The following EYS variants were observed in gnomAD, a reference collection of about 807,000 sequenced individuals.
EYS encodes the protein protein eyes shut homolog.
Under a neutral mutation model 282.1 loss-of-function variants are expected in EYS, and 250 were observed. That is an observed-to-expected ratio of 0.89 (90% CI 0.80 to 0.98). The LOEUF is 0.98. Ranked by LOEUF, EYS falls within the 50% of genes least tolerant of loss-of-function variation. EYS has a pLI of 0.00. For synonymous variants in EYS, 1,355 were observed against 1,282.9 expected (o/e 1.06, Z -1.20); for missense variants, 4,016 against 3,709.0 (o/e 1.08, Z -2.15).
chr6:63,727,737 A>AAAAAATATATATATATAT (rs1554164607), intron 41 of EYS, among the ~76,000 whole-genome samples: 7 of 36,722 alleles, frequency 1.9e-4, no homozygotes, highest in Admixed American at 3.9e-4. Flanking sequence ...AAAAAAAAAA[A>AAAAAATATATATATATAT]ATATATATAT....
In EYS at chr6:64,307,092, A is replaced by G; in HGVS notation, c.6079-10T>C. ...TGACTGGTACAGGCATCTGAGAGAG[A>G]GAGAGAGAGAGAGAAGTAGAGATAA... is the stretch of plus-strand genomic sequence containing the variant. On this transcript the variant is annotated splice_polypyrimidine_tract_variant and intron_variant, in intron 29 of 42. Coordinates refer to ENST00000503581, the MANE Select transcript of EYS (RefSeq NM_001142800.2). 8.9e-7 allele frequency: 1 copy of G among 1,117,814 alleles called. No homozygotes were observed. The highest frequency in any genetic ancestry group is 1.3e-6 in the Non-Finnish European group (1 of 757,232). The allele number at this position is 1,117,814 out of a possible 1,614,324, so 69.2% of individuals were successfully genotyped here.
intron 22 of EYS, among the ~76,000 whole-genome samples, chr6:64,653,510 A>G (rs943224055): frequency 6.6e-6 from 1 of 152,062 alleles, no homozygotes. Flanking sequence ...TGGCAATTTG[A>G]CATGTTTCAG....
At chr6:65,135,310 A>G (rs1004180036) in intron 12 of EYS, among the ~76,000 whole-genome samples, 1 of 152,042 alleles carries the variant, frequency 6.6e-6, no homozygotes, top group African/African-American at 2.4e-5. Context: ...AACTTTTCCA[A>G]AGACAAATTC....
chr6:64,075,512 CTTCA>C (rs1369898561), intron 32 of EYS, among the ~76,000 whole-genome samples: 1 of 151,944 alleles, frequency 6.6e-6, no homozygotes, highest in Non-Finnish European at 1.5e-5. Flanking sequence ...AATGGGTCTT[CTTCA>C]TTTGGGTGAA....
chr6:65,228,799 T>C (rs1340112921), intron 12 of EYS, among the ~76,000 whole-genome samples: 1 of 152,034 alleles, frequency 6.6e-6, no homozygotes, highest in Non-Finnish European at 1.5e-5. Flanking sequence ...GTGGTGGTAT[T>C]GGTAAGAGAG....
At chr6:65,433,265 T>C (rs1186772619) in intron 5 of EYS, among the ~76,000 whole-genome samples, 2 of 152,160 alleles carry the variant, frequency 1.3e-5, no homozygotes, top group Non-Finnish European at 2.9e-5. Context: ...GACGGTACTT[T>C]AAAGGGCAAG....
At chr6:65,369,539 G>A (rs994121098) in intron 8 of EYS, among the ~76,000 whole-genome samples, 2 of 151,078 alleles carry the variant, frequency 1.3e-5, no homozygotes, top group African/African-American at 4.8e-5. Context: ...TCTTTTGTAA[G>A]TCTGGGGTTC....
intron 22 of EYS, among the ~76,000 whole-genome samples, chr6:64,684,963 A>T (rs9345375): frequency 0.68 from 103,367 of 151,936 alleles, 36,221 homozygotes; most frequent in Middle Eastern, 0.78. Flanking sequence ...AAATGGCAAT[A>T]AACTAATAAG....
chr6:64,757,742 CTTTGTGTGTG>C (rs1337504847), intron 22 of EYS, among the ~76,000 whole-genome samples: 3 of 63,920 alleles, frequency 4.7e-5, no homozygotes, highest in East Asian at 1.0e-3. Context: ...TTCTTTTTTT[CTTTGTGTGTG>C]TGTGTGTGTG....
At chr6:64,130,661 A>T (rs1773944814) in intron 31 of EYS, among the ~76,000 whole-genome samples, 2 of 152,126 alleles carry the variant, frequency 1.3e-5, no homozygotes, top group Non-Finnish European at 2.9e-5. Flanking sequence ...CTAGCAGTAG[A>T]TGCCTTCCGA....
intron 14 of EYS, among the ~76,000 whole-genome samples, chr6:64,969,592 C>A (rs1013549113): frequency 6.6e-6 from 1 of 152,084 alleles, no homozygotes; most frequent in Non-Finnish European, 1.5e-5. Context: ...AGCCCAAATT[C>A]CCTGGAACCC....
chr6:63,786,870 G>A (rs1440535615), intron 39 of EYS, among the ~76,000 whole-genome samples: 11 of 152,110 alleles, frequency 7.2e-5, no homozygotes, highest in Non-Finnish European at 1.6e-4. Flanking sequence ...AGAACCAGTA[G>A]AGATCAGCTT....
intron 22 of EYS, among the ~76,000 whole-genome samples, chr6:64,719,971 T>C (rs1402388698): frequency 1.3e-5 from 2 of 152,232 alleles, no homozygotes; most frequent in Non-Finnish European, 2.9e-5. Context: ...TAAACCTATA[T>C]GTTAGTGTCC....
chr6:65,538,332 T>G (rs2039311), intron 2 of EYS, among the ~76,000 whole-genome samples: 113,346 of 151,946 alleles, frequency 0.75, 43,055 homozygotes, highest in African/African-American at 0.89. Flanking sequence ...ATAAAGGTTG[T>G]CAATTGAGAA....
intron 12 of EYS, among the ~76,000 whole-genome samples, chr6:65,290,032 T>C (rs2150282258): frequency 6.6e-6 from 1 of 151,262 alleles, no homozygotes; most frequent in South Asian, 2.1e-4. Context: ...AAGTCTGAAA[T>C]CTATTTAGAA....
chr6:64,809,232 T>C (rs1298337171), intron 22 of EYS, among the ~76,000 whole-genome samples: 3 of 152,100 alleles, frequency 2.0e-5, no homozygotes, highest in Non-Finnish European at 4.4e-5. Context: ...CTGAGTCAAC[T>C]TAATTCTGTA....
chr6:64,080,070 T>G (rs1771911370), intron 32 of EYS, among the ~76,000 whole-genome samples: 1 of 152,244 alleles, frequency 6.6e-6, no homozygotes, highest in South Asian at 2.1e-4. Context: ...TTATAATACT[T>G]TGGGTATTAC....
At chr6:65,329,265 T>C (rs559778622) in intron 11 of EYS, 1 of 730,056 alleles carries the variant, frequency 1.4e-6, no homozygotes, top group African/African-American at 1.9e-5. Context: ...CATATGAAAC[T>C]TGAAACTTTA....
chr6:63,869,449 T>C (rs1411654017), intron 35 of EYS, among the ~76,000 whole-genome samples: 1 of 152,092 alleles, frequency 6.6e-6, no homozygotes, highest in Non-Finnish European at 1.5e-5. Context: ...CAAAATTTCT[T>C]CCCCAGCAAG....
Sources: gnomAD v4.1 joint callset for allele counts (sites outside exome capture counted in the v4.1 genomes callset) on GRCh38, gnomAD v4.1.1 for gene constraint, MANE v1.5 for transcripts, NCBI Gene and HGNC (gene_info 2026-07-23, HGNC 2026-07-21) for gene names.